The following SCAPER variants were observed in gnomAD, a reference collection of about 807,000 sequenced individuals.
SCAPER encodes the protein S phase cyclin A-associated protein in the endoplasmic reticulum.
Under a neutral mutation model 182.2 loss-of-function variants are expected in SCAPER, and 98 were observed. That is an observed-to-expected ratio of 0.54 (90% CI 0.46 to 0.64). The LOEUF is 0.64. SCAPER is among the 30% of genes least tolerant of loss of function. The probability of loss-of-function intolerance (pLI) is 0.00; values close to 1 mark genes in which losing one functional copy is unlikely to be tolerated. For missense variants in SCAPER, 1,432 were observed against 1,690.0 expected, an observed-to-expected ratio of 0.85 and a Z score of 2.68; for synonymous variants, 605 against 564.6, an observed-to-expected ratio of 1.07 and a Z score of -1.01.
intron 5 of SCAPER, among the ~76,000 whole-genome samples, chr15:76,817,687 A>G (rs1203736256): frequency 6.6e-6 from 1 of 152,198 alleles, no homozygotes; most frequent in Non-Finnish European, 1.5e-5. Context: ...TCAAATATAT[A>G]TAACAAATAT....
intron 30 of SCAPER, among the ~76,000 whole-genome samples, chr15:76,352,111 G>C (rs1447897567): frequency 6.6e-6 from 1 of 152,098 alleles, no homozygotes; most frequent in East Asian, 1.9e-4. Flanking sequence ...TGTGAAATTG[G>C]TTTCGCTCAA....
intron 29 of SCAPER, among the ~76,000 whole-genome samples, chr15:76,364,041 G>T (rs898427490): frequency 1.3e-5 from 2 of 152,144 alleles, no homozygotes; most frequent in African/African-American, 4.8e-5. Context: ...CTGATACCTT[G>T]GGGTTAGGGT....
At chr15:76,746,775 G>T (rs975472124) in intron 15 of SCAPER, among the ~76,000 whole-genome samples, 1 of 152,100 alleles carries the variant, frequency 6.6e-6, no homozygotes, top group Admixed American at 6.5e-5. Context: ...ATTTATAATT[G>T]CATCCAAAAG....
intron 20 of SCAPER, among the ~76,000 whole-genome samples, chr15:76,671,610 A>T (rs1450557359): frequency 2.0e-5 from 3 of 152,068 alleles, no homozygotes; most frequent in Non-Finnish European, 4.4e-5. Flanking sequence ...TCTACTAAAA[A>T]TACAAAAAAA....
intron 25 of SCAPER, among the ~76,000 whole-genome samples, chr15:76,457,104 C>A (rs1367087133): frequency 6.6e-6 from 1 of 151,800 alleles, no homozygotes; most frequent in Non-Finnish European, 1.5e-5. Flanking sequence ...GCTTGGTCAC[C>A]CAGGCTGGAG....
chr15:76,539,867 C>T (rs978911302), intron 23 of SCAPER, among the ~76,000 whole-genome samples: 1 of 152,142 alleles, frequency 6.6e-6, no homozygotes, highest in Admixed American at 6.6e-5. Context: ...TTCAATTCCA[C>T]ATTCAGTAAA....
intron 23 of SCAPER, among the ~76,000 whole-genome samples, chr15:76,559,201 A>ATTT (rs58642207): frequency 1.6e-4 from 20 of 121,784 alleles, no homozygotes; most frequent in African/African-American, 5.6e-4. Flanking sequence ...CACCCAGCTA[A>ATTT]TTTTTTTTTT....
At chr15:76,865,110 T>C (rs1179876861) in intron 2 of SCAPER, among the ~76,000 whole-genome samples, 1 of 152,070 alleles carries the variant, frequency 6.6e-6, no homozygotes, top group East Asian at 1.9e-4. Context: ...TCACCAACTA[T>C]CCCATTAATC....
chr15:76,498,972 G>T (rs2040860054), intron 24 of SCAPER, among the ~76,000 whole-genome samples: 1 of 152,106 alleles, frequency 6.6e-6, no homozygotes, highest in Admixed American at 6.5e-5. Context: ...TGATCTATTT[G>T]ATATGAATAA....
chr15:76,374,161 AGGT>A (rs1234540768), intron 29 of SCAPER, among the ~76,000 whole-genome samples: 1 of 152,058 alleles, frequency 6.6e-6, no homozygotes, highest in Non-Finnish European at 1.5e-5. Flanking sequence ...AGGCCAAGGT[AGGT>A]GGATTACAAG....
chr15:76,654,238 T>TA (rs2055418026), intron 21 of SCAPER, among the ~76,000 whole-genome samples: 4 of 151,982 alleles, frequency 2.6e-5, no homozygotes, highest in Admixed American at 2.6e-4. Flanking sequence ...CTGTCTCTAC[T>TA]AAAACTACGA....
intron 2 of SCAPER, among the ~76,000 whole-genome samples, chr15:76,867,448 TGA>T (rs150944871): frequency 0.049 from 7,414 of 152,264 alleles, 263 homozygotes; most frequent in Middle Eastern, 0.092. Context: ...TATTACAGAA[TGA>T]TAAGCTGGAA....
At chr15:76,435,956 A>AAACTC (rs2047172745) in intron 25 of SCAPER, among the ~76,000 whole-genome samples, 1 of 152,156 alleles carries the variant, frequency 6.6e-6, no homozygotes, top group Non-Finnish European at 1.5e-5. Context: ...TATTGTGTGA[A>AAACTC]AACTCAGTGG....
chr15:76,470,183 TCTA>T (rs2050029191), intron 25 of SCAPER, among the ~76,000 whole-genome samples: 1 of 152,180 alleles, frequency 6.6e-6, no homozygotes, highest in Non-Finnish European at 1.5e-5. Context: ...ACGTACTGAA[TCTA>T]CTAAGTGCCA....
At chr15:76,546,913 T>C (rs934454937) in intron 23 of SCAPER, among the ~76,000 whole-genome samples, 2 of 152,176 alleles carry the variant, frequency 1.3e-5, no homozygotes, top group African/African-American at 2.4e-5. Context: ...TCTGTGACAA[T>C]GCTACAAACT....
chr15:76,868,365 C>G (rs1264710554), intron 2 of SCAPER, among the ~76,000 whole-genome samples: 2 of 151,602 alleles, frequency 1.3e-5, no homozygotes, highest in Non-Finnish European at 2.9e-5. Flanking sequence ...TGCACTCCAG[C>G]CTGGGTGACA....
rs2066694421 is a variant in SCAPER at position 76,812,418 on chromosome 15, G to A, written c.394-7785C>T. ...CACAAAAATCACTTGAACCTGGGAGGCAGAGGGTGCAGTGAGCCACGACTA... is the reference window on the plus strand; with the variant it reads ...CACAAAAATCACTTGAACCTGGGAGACAGAGGGTGCAGTGAGCCACGACTA... On this transcript the variant is annotated intron_variant, in intron 5 of 31. Coordinates refer to ENST00000563290, the MANE Select transcript of SCAPER (RefSeq NM_020843.4). Among the ~76,000 whole-genome samples the A allele has an allele frequency of 3.3e-5, 5 of 151,582 alleles. No individual in the cohort carries two copies. The South Asian group carries it at 1.0e-3, about 32-fold the overall frequency.
chr15:76,808,196 T>C (rs1044854384), intron 5 of SCAPER, among the ~76,000 whole-genome samples: 1 of 152,176 alleles, frequency 6.6e-6, no homozygotes, highest in African/African-American at 2.4e-5. Flanking sequence ...TCTGCATACT[T>C]TTCCAGCTGC....
intron 27 of SCAPER, among the ~76,000 whole-genome samples, chr15:76,393,471 C>T (rs1419064304): frequency 6.6e-6 from 1 of 152,136 alleles, no homozygotes; most frequent in African/African-American, 2.4e-5. Flanking sequence ...AATGGGCTGA[C>T]AGTATCAAAT....
Sources: allele counts gnomAD v4.1 joint callset (sites outside exome capture counted in the v4.1 genomes callset), GRCh38; gene constraint gnomAD v4.1.1; transcripts MANE v1.5; gene names NCBI Gene and HGNC (gene_info 2026-07-23, HGNC 2026-07-21).